The following TLN2 variants were observed in gnomAD, a reference collection of about 807,000 sequenced individuals.
The protein encoded by TLN2 is talin 2.
TLN2 carries 118 observed loss-of-function variants against 294.7 expected under a neutral mutation model. That is an observed-to-expected ratio of 0.40 (90% CI 0.34 to 0.47). TLN2 has a LOEUF of 0.47. TLN2 is among the 20% of genes least tolerant of loss of function. The pLI is 0.84. For missense variants in TLN2, 3,083 were observed against 3,282.2 expected (o/e 0.94, Z 1.48); for synonymous variants, 1,431 against 1,304.5 (o/e 1.10, Z -2.09).
chr15:62,650,432 T>A (rs1375108491), intron 5 of TLN2, among the ~76,000 whole-genome samples: 1 of 152,280 alleles, frequency 6.6e-6, no homozygotes, highest in East Asian at 1.9e-4. Flanking sequence ...TTGGATTTGG[T>A]AATTGTGAGA....
At chr15:62,577,790 C>T (rs2044559401) in intron 1 of TLN2, among the ~76,000 whole-genome samples, 1 of 152,108 alleles carries the variant, frequency 6.6e-6, no homozygotes, top group African/African-American at 2.4e-5. Context: ...GTTTGCTGCA[C>T]CCATCAACTC....
chr15:62,660,488 A>G (rs867718304), intron 9 of TLN2, among the ~76,000 whole-genome samples: 18 of 152,196 alleles, frequency 1.2e-4, no homozygotes, highest in African/African-American at 3.6e-4. Flanking sequence ...TCCTTAATTG[A>G]GTCTGATGTG....
chr15:62,669,138 T>C (rs2055085230), intron 9 of TLN2, among the ~76,000 whole-genome samples: 1 of 152,160 alleles, frequency 6.6e-6, no homozygotes, highest in South Asian at 2.1e-4. Flanking sequence ...ATTTCCATGA[T>C]TTTTTTCCTT....
At chr15:62,674,592 G>C (rs11852602) in intron 10 of TLN2, among the ~76,000 whole-genome samples, 44,839 of 139,154 alleles carry the variant, frequency 0.32, 7,163 homozygotes, top group East Asian at 0.65. Flanking sequence ...ACCTCCCCCC[G>C]CCCTGTTCAA....
rs1273908856 is a variant in TLN2, at chr15:62,766,739, A to G, written c.5196+317A>G. ...TTTGCTGAAAGAAACCAGAGACTGA[A>G]GCAGACACTCCTAGCCTGGAGTCTG... On this transcript the variant is annotated intron_variant, in intron 41 of 58. Transcript: ENST00000636159. Among the ~76,000 whole-genome samples, 6 of 152,348 alleles carry G rather than the reference A, an allele frequency of 3.9e-5. No individual in the cohort carries two copies. In the East Asian group the frequency reaches 9.6e-4, roughly 24 times the overall value.
chr15:62,722,344 T>C lies in TLN2; in HGVS notation c.2992-9T>C, dbSNP rs547816228. ...GGAGCCATCTTACTTTCTTTTCATC[T>C]CTCTATAGCCTGGAAGCAAGATGGT... On this transcript the variant is annotated splice_polypyrimidine_tract_variant and intron_variant, in intron 25 of 58. Coordinates refer to ENST00000636159, the MANE Select transcript of TLN2 (RefSeq NM_015059.3). 1.1e-5 allele frequency: 17 copies of C among 1,598,106 alleles called. No individual in the cohort carries two copies. In the South Asian group the frequency reaches 1.7e-4, roughly 16 times the overall value.
At chr15:62,535,328 G>A (rs1434180773) in intron 1 of TLN2, among the ~76,000 whole-genome samples, 2 of 152,056 alleles carry the variant, frequency 1.3e-5, no homozygotes, top group African/African-American at 2.4e-5. Context: ...CAGCCTATGC[G>A]TCAGGATTTT....
At chr15:62,518,400 C>T (rs928211164) in intron 1 of TLN2, among the ~76,000 whole-genome samples, 10 of 152,030 alleles carry the variant, frequency 6.6e-5, no homozygotes, top group Non-Finnish European at 1.2e-4. Flanking sequence ...GTAGGAGGAG[C>T]GTAGGTTTTG....
chr15:62,835,749 C>G lies in TLN2; in HGVS notation c.7141C>G (p.Pro2381Ala), dbSNP rs759536698. 127 of 1,614,088 alleles carry G rather than the reference C, an allele frequency of 7.9e-5. No individual in the cohort carries two copies. Among genetic ancestry groups the G allele is most frequent in the Non-Finnish European group, 1.1e-4 (126 of 1,180,044 alleles). Residue 2381 changes from proline (P) to alanine (A), a missense_variant, in exon 56 of 59, where the codon CCT becomes GCT. Transcript: ENST00000636159. ...CTCTACTCTCTAGGTGGGCTCCATC[C>G]CTGCCAATGCTGCAGACGACGGACA... Reference protein sequence around the residue: ...LVAQGKVGSIPANAADDGQWS... With the variant: ...LVAQGKVGSIAANAADDGQWS...
At chr15:62,673,573 T>C (rs866083910) in intron 9 of TLN2, among the ~76,000 whole-genome samples, 4 of 151,650 alleles carry the variant, frequency 2.6e-5, no homozygotes, top group Non-Finnish European at 4.4e-5. Flanking sequence ...CTCTTTTTTT[T>C]TTTTTTCACT....
At chr15:62,491,453 G>T (rs1259643756) in intron 1 of TLN2, among the ~76,000 whole-genome samples, 1 of 151,970 alleles carries the variant, frequency 6.6e-6, no homozygotes, top group Non-Finnish European at 1.5e-5. Context: ...GGAAGTGGGT[G>T]GGGGCTTCCA....
chr15:62,830,922 T>G (rs2068767751), intron 54 of TLN2: 1 of 151,970 alleles, frequency 6.6e-6, no homozygotes, highest in African/African-American at 2.4e-5. Context: ...AGCATAGAGA[T>G]GTTGTGGGAA....
Position 62,789,020 on chromosome 15 carries a change from G to A in TLN2, c.5737-3621G>A, listed in dbSNP as rs570573824. Among the ~76,000 whole-genome samples, 129 of 152,152 alleles carry A rather than the reference G, an allele frequency of 8.5e-4. 1 individual carries two copies. Among genetic ancestry groups the A allele is most frequent in the Non-Finnish European group, 1.6e-3 (109 of 68,024 alleles). On this transcript the variant is annotated intron_variant, in intron 45 of 58. Coordinates refer to ENST00000636159, the MANE Select transcript of TLN2 (RefSeq NM_015059.3). The stretch of plus-strand genomic sequence containing the variant: ...CCTAGTCCTTTCTGCTGCCCAAAGG[G>A]GTGAAACATTGAGAACAGGGCTGGC...
chr15:62,420,391 C>T (rs993962065), intron 1 of TLN2, among the ~76,000 whole-genome samples: 2 of 151,832 alleles, frequency 1.3e-5, no homozygotes, highest in African/African-American at 4.8e-5. Context: ...GTGTAGATGT[C>T]CTACCTGCTG....
chr15:62,573,527 A>G (rs1176378098), intron 1 of TLN2, among the ~76,000 whole-genome samples: 1 of 152,154 alleles, frequency 6.6e-6, no homozygotes, highest in Non-Finnish European at 1.5e-5. Flanking sequence ...TGCTTTTCAT[A>G]GAGAACCCTC....
At chr15:62,699,258 C>G (rs1477723048) in intron 16 of TLN2, among the ~76,000 whole-genome samples, 2 of 152,194 alleles carry the variant, frequency 1.3e-5, no homozygotes, top group South Asian at 2.1e-4. Context: ...GCCCCTCGCA[C>G]ATAGTAAGAG....
chr15:62,509,644 T>TC (rs2039827612), intron 1 of TLN2, among the ~76,000 whole-genome samples: 1 of 152,136 alleles, frequency 6.6e-6, no homozygotes, highest in South Asian at 2.1e-4. Flanking sequence ...GGTCCTCTGG[T>TC]CCCCTCCTTG....
At chr15:62,405,604 G>A (rs1436844925) in intron 1 of TLN2, among the ~76,000 whole-genome samples, 2 of 152,206 alleles carry the variant, frequency 1.3e-5, no homozygotes, top group Non-Finnish European at 2.9e-5. Context: ...TGCATTTAGT[G>A]TGAGGAAGTC....
At chr15:62,772,095 C>G (rs181590194) in intron 42 of TLN2, among the ~76,000 whole-genome samples, 27 of 152,116 alleles carry the variant, frequency 1.8e-4, no homozygotes, top group Admixed American at 9.8e-4. Flanking sequence ...ATCTGGCTAG[C>G]CTGCTTGCTC....
Sources: allele counts gnomAD v4.1 joint callset (sites outside exome capture counted in the v4.1 genomes callset), GRCh38; gene constraint gnomAD v4.1.1; transcripts MANE v1.5; gene names NCBI Gene and HGNC (gene_info 2026-07-23, HGNC 2026-07-21).